Variants in C11orf16 observed in about 807,000 individuals in gnomAD.
C11orf16 encodes the protein uncharacterized protein C11orf16.
In C11orf16, 38 loss-of-function variants were observed where a neutral mutation model predicts 45.1. The ratio of observed to expected loss-of-function variants is 0.84; its 90% CI spans 0.65 to 1.10. The LOEUF (loss-of-function observed/expected upper bound fraction) is 1.10. C11orf16 is among the 50% of genes least tolerant of loss of function. C11orf16 has a pLI of 0.00. For synonymous variants in C11orf16, 221 were observed against 222.0 expected (o/e 1.00, Z 0.04); for missense variants, 583 against 569.5 (o/e 1.02, Z -0.24).
At chr11:8,926,855 G>T (rs1483336674) in intron 4 of C11orf16, 85 bp downstream of exon 4, 4 of 1,095,918 alleles carry the variant, frequency 3.6e-6, no homozygotes, top group African/African-American at 1.6e-5. Context: ...CCCCTAAGCT[G>T]TAGACGCAGC....
In C11orf16 at chr11:8,925,711, TC is replaced by T. The variant is rs767629729; in HGVS notation, c.955del (p.Glu319LysfsTer8). 5.1e-5 allele frequency: 82 copies of T among 1,614,094 alleles called. No homozygotes were observed. The highest frequency in any genetic ancestry group is 6.5e-5 in the Non-Finnish European group (77 of 1,180,048). Reference protein sequence around the residue: ...LEPTAQLLPLEGPKEEKVAMH... With the variant: ...LEPTAQLLPLXGPKEEKVAMH... Reference sequence around the variant, plus strand: ...TGCTACTTTCTCCTCTTTAGGACCTTCCAGGGGCAAAAGCTGTGCTGTGGGC... The same window carrying T: ...TGCTACTTTCTCCTCTTTAGGACCTTCAGGGGCAAAAGCTGTGCTGTGGGC... On this transcript the variant is annotated frameshift_variant, in exon 5 of 7. Transcript: ENST00000326053. LOFTEE classifies it high-confidence loss of function.
chr11:8,926,084 C>G lies in C11orf16; in HGVS notation c.583G>C (p.Val195Leu). The change falls in exon 5 of 7, where the codon GTT becomes CTT. Residue 195 changes from valine to leucine, a missense_variant. Coordinates refer to ENST00000326053, the MANE Select transcript of C11orf16 (RefSeq NM_020643.3). ...QRASKEKEITVHFWNGKAAKV... is the reference protein window; with the variant it reads ...QRASKEKEITLHFWNGKAAKV... ...GCAGCTTTGCCATTCCAGAAATGAACAGTGATTTCTTTTTCCTTTGATGCT... is the reference window on the plus strand; with the variant it reads ...GCAGCTTTGCCATTCCAGAAATGAAGAGTGATTTCTTTTTCCTTTGATGCT... 6.2e-7 allele frequency: 1 copy of G among 1,602,754 alleles called. No homozygotes were observed. Among genetic ancestry groups the G allele is most frequent in the Non-Finnish European group, 8.5e-7 (1 of 1,172,316 alleles).
chr11:8,927,693 A>C (rs2064624326), intron 3 of C11orf16: 1 of 456,224 alleles, frequency 2.2e-6, no homozygotes, highest in South Asian at 1.5e-5. Flanking sequence ...CTTGCAGTCA[A>C]CGAGGAAAGG....
chr11:8,929,598 G>A (rs1035433796), intron 2 of C11orf16, 65 bp from the exon 3 acceptor site: 11 of 1,420,772 alleles, frequency 7.7e-6, no homozygotes, highest in East Asian at 7.3e-5. Context: ...CAAGAAACAC[G>A]TTTCGCAGGT....
rs747799188 is a variant in C11orf16, at chr11:8,925,908, G to A, written c.759C>T (p.Ile253=). 2 of 1,614,240 alleles carry A rather than the reference G, an allele frequency of 1.2e-6. No homozygotes were observed. Among genetic ancestry groups the A allele is most frequent in the South Asian group, 1.1e-5 (1 of 91,088 alleles). ...GAGCATCCGGAGGAAGCTCATTAGT[G>A]ATGCGCCCAGTGATTGGCCCTAGCA... ...CSLLGPITGR[I]TNELPPDAPF... is the part of the protein sequence containing the mutation. Residue 253 remains isoleucine (I), a synonymous_variant, in exon 5 of 7, where the codon ATC becomes ATT. Transcript: ENST00000326053.
intron 5 of C11orf16, among the ~76,000 whole-genome samples, chr11:8,922,806 C>T (rs1020464278): frequency 6.6e-6 from 1 of 152,196 alleles, no homozygotes; most frequent in African/African-American, 2.4e-5. Flanking sequence ...GGGAGAAAAG[C>T]AAAGCTCTGG....
rs2064560976 is a variant in C11orf16 at position 8,920,321 on chromosome 11, CGTGGG to C, written c.*147_*151del. Reference sequence around the variant, plus strand: ...TGCTGCTTATCTGCAGGGAGGTCTTCGTGGGGTGGAGATACTGGTGGTTATTTGAC... The same window carrying C: ...TGCTGCTTATCTGCAGGGAGGTCTTCGTGGAGATACTGGTGGTTATTTGAC... On this transcript the variant is annotated 3_prime_UTR_variant, in exon 7 of 7. Coordinates refer to ENST00000326053, the MANE Select transcript of C11orf16 (RefSeq NM_020643.3). 5 of 529,314 alleles carry C rather than the reference CGTGGG, an allele frequency of 9.4e-6. No individual in the cohort carries two copies. Among genetic ancestry groups the C allele is most frequent in the Non-Finnish European group, 1.0e-5 (3 of 300,390 alleles). The allele number at this position is 529,314 out of a possible 1,614,324, so 32.8% of individuals were successfully genotyped here.
intron 4 of C11orf16, 21 bp downstream of exon 4, chr11:8,926,919 G>C (rs368164152): frequency 6.3e-7 from 1 of 1,592,518 alleles, no homozygotes; most frequent in South Asian, 1.1e-5. Flanking sequence ...GGCACTGATG[G>C]GTCAGAGCAG....
chr11:8,929,297 T>C, intron 3 of C11orf16, 80 bp downstream of exon 3: 1 of 1,441,560 alleles, frequency 6.9e-7, no homozygotes, highest in South Asian at 1.3e-5. Flanking sequence ...GCCTGCTAGA[T>C]GTACACAGCT....
intron 3 of C11orf16, chr11:8,928,983 G>A (rs2064632948): frequency 5.6e-6 from 1 of 178,016 alleles, no homozygotes; most frequent in Non-Finnish European, 1.2e-5. Context: ...GCCCCATAAA[G>A]GTAAAGGCAG....
intron 1 of C11orf16, 24 bp from the exon 2 acceptor site, chr11:8,932,350 C>A: frequency 1.3e-6 from 2 of 1,532,274 alleles, no homozygotes; most frequent in African/African-American, 1.4e-5. Flanking sequence ...CCACCATTAC[C>A]TGAGCTGCAG....
intron 3 of C11orf16, chr11:8,929,118 C>A: frequency 2.5e-6 from 1 of 407,834 alleles, no homozygotes; most frequent in Non-Finnish European, 4.4e-6. Context: ...ACCTTGCCAA[C>A]CCCTGGACTT....
chr11:8,920,738 G>T (rs1475565392), intron 6 of C11orf16, among the ~76,000 whole-genome samples: 1 of 152,110 alleles, frequency 6.6e-6, no homozygotes, highest in Non-Finnish European at 1.5e-5. Flanking sequence ...TCAGGTGGGC[G>T]GCTCACTTGA....
intron 5 of C11orf16, among the ~76,000 whole-genome samples, chr11:8,923,164 A>G (rs2064586532): frequency 6.6e-6 from 1 of 152,250 alleles, no homozygotes; most frequent in South Asian, 2.1e-4. Flanking sequence ...CTGTAGGTGT[A>G]AGTGGCTTTG....
At chr11:8,926,913 C>T (rs761930364) in intron 4 of C11orf16, 27 bp downstream of exon 4, 5 of 1,591,052 alleles carry the variant, frequency 3.1e-6, no homozygotes, top group African/African-American at 1.3e-5. Context: ...CTTCTGGGCA[C>T]TGATGGGTCA....
chr11:8,928,309 GA>G (rs1171070167), intron 3 of C11orf16, among the ~76,000 whole-genome samples: 7 of 134,630 alleles, frequency 5.2e-5, no homozygotes, highest in Non-Finnish European at 8.6e-5. Context: ...GTCTGACTCT[GA>G]AAAAAAGAAA....
intron 6 of C11orf16, among the ~76,000 whole-genome samples, chr11:8,920,756 A>G (rs2134828361): frequency 6.6e-6 from 1 of 152,328 alleles, no homozygotes; most frequent in African/African-American, 2.4e-5. Context: ...TGAGCCCAGG[A>G]GTTCAAGGCT....
At chr11:8,926,674 C>G (rs919284192) in intron 4 of C11orf16, among the ~76,000 whole-genome samples, 1 of 152,068 alleles carries the variant, frequency 6.6e-6, no homozygotes, top group African/African-American at 2.4e-5. Flanking sequence ...AGTAGCTAAA[C>G]CATGGTTTAG....
intron 2 of C11orf16, among the ~76,000 whole-genome samples, chr11:8,929,766 A>G (rs1450793237): frequency 2.0e-5 from 3 of 152,232 alleles, no homozygotes; most frequent in Non-Finnish European, 4.4e-5. Flanking sequence ...GAGTTGGTTC[A>G]AGGCAACCAA....
Sources: gnomAD v4.1 joint callset for allele counts (sites outside exome capture counted in the v4.1 genomes callset) on GRCh38, gnomAD v4.1.1 for gene constraint, MANE v1.5 for transcripts, NCBI Gene and HGNC (gene_info 2026-07-23, HGNC 2026-07-21) for gene names.